The following RSF1 variants were observed in gnomAD, a reference collection of about 807,000 sequenced individuals.
RSF1 encodes HBV pX-associated protein 8.
Under a neutral mutation model 145.2 loss-of-function variants are expected in RSF1, and 13 were observed. That is an observed-to-expected ratio of 0.09 (90% CI 0.06 to 0.14). The LOEUF is 0.14. RSF1 is among the 10% of genes least tolerant of loss of function. The pLI is 1.00. For synonymous variants in RSF1, 577 were observed against 592.6 expected (o/e 0.97, Z 0.38); for missense variants, 1,517 against 1,718.2 (o/e 0.88, Z 2.07).
intron 13 of RSF1, among the ~76,000 whole-genome samples, chr11:77,676,167 T>C (rs942039128): frequency 6.6e-6 from 1 of 152,232 alleles, no homozygotes; most frequent in East Asian, 1.9e-4. Flanking sequence ...ATTCTTCAAA[T>C]TTCAGATCAA....
At chr11:77,777,743 G>C (rs1948357010) in intron 1 of RSF1, among the ~76,000 whole-genome samples, 1 of 152,080 alleles carries the variant, frequency 6.6e-6, no homozygotes, top group East Asian at 1.9e-4. Context: ...CTAGCTACTC[G>C]AGAGACTCAG....
the RSF1 span, among the ~76,000 whole-genome samples, chr11:77,850,129 C>T: frequency 0.013 from 1,938 of 152,114 alleles, 38 homozygotes; most frequent in African/African-American, 0.045. Flanking sequence ...TTTAACATTC[C>T]CTCTGAGATA....
At chr11:77,796,792 A>C (rs973503590) in intron 1 of RSF1, among the ~76,000 whole-genome samples, 2 of 152,240 alleles carry the variant, frequency 1.3e-5, no homozygotes, top group African/African-American at 2.4e-5. Context: ...CCTTAAGCTA[A>C]TAAGCAACTT....
intron 1 of RSF1, chr11:77,813,733 G>C: frequency 2.7e-6 from 1 of 370,598 alleles, no homozygotes; most frequent in East Asian, 6.0e-5. Context: ...ACAGTAGTGA[G>C]TAAGGAGCAG....
chr11:77,764,561 T>G (rs759818863), intron 2 of RSF1, 37 bp downstream of exon 2: 1 of 1,089,264 alleles, frequency 9.2e-7, no homozygotes, highest in Admixed American at 1.8e-5. Context: ...GAGTAATATT[T>G]CAGTAATAGA....
At chr11:77,840,521 T>G in the RSF1 span, among the ~76,000 whole-genome samples, 1 of 152,050 alleles carries the variant, frequency 6.6e-6, no homozygotes, top group Non-Finnish European at 1.5e-5. Flanking sequence ...AGAGCCAGAC[T>G]CCATCTCAAA....
At chr11:77,772,411 C>T (rs1260865409) in intron 1 of RSF1, among the ~76,000 whole-genome samples, 6 of 152,100 alleles carry the variant, frequency 3.9e-5, no homozygotes, top group Admixed American at 1.3e-4. Context: ...GGGGCTCAAG[C>T]GATCCGCCCA....
At chr11:77,734,441 G>C in intron 4 of RSF1, 1 of 1,499,298 alleles carries the variant, frequency 6.7e-7, no homozygotes, top group Non-Finnish European at 9.2e-7. Context: ...GACCAGGGAA[G>C]TCACCCCACG....
intron 4 of RSF1, among the ~76,000 whole-genome samples, chr11:77,729,335 T>C (rs140557860): frequency 5.4e-4 from 83 of 152,296 alleles, no homozygotes; most frequent in African/African-American, 2.0e-3. Context: ...GGTTCAAAGT[T>C]TAGTTTTGGG....
intron 4 of RSF1, among the ~76,000 whole-genome samples, chr11:77,729,163 T>G (rs55190): frequency 0.14 from 21,556 of 152,010 alleles, 1,672 homozygotes; most frequent in African/African-American, 0.18. Context: ...TAAATTTCTC[T>G]CATCATTAAT....
rs1959315684 is a variant in RSF1, at chr11:77,664,563, G to C, written c.*2354C>G. Reference sequence around the variant, plus strand: ...CTTGGCTTAACTGAGGAATAGAATAGGTGGAAGAAGGAGCTGGTGTGTCCA... The same window carrying C: ...CTTGGCTTAACTGAGGAATAGAATACGTGGAAGAAGGAGCTGGTGTGTCCA... On this transcript the variant is annotated 3_prime_UTR_variant, in exon 16 of 16. Coordinates refer to ENST00000308488, the MANE Select transcript of RSF1 (RefSeq NM_016578.4). 1 of 152,152 alleles carries C rather than the reference G, an allele frequency of 6.6e-6. No individual in the cohort carries two copies. The highest frequency in any genetic ancestry group is 2.4e-5 in the African/African-American group (1 of 41,436). 9.4% of individuals were successfully genotyped at this position (152,152 alleles called of 1,614,324 possible).
intron 4 of RSF1, chr11:77,739,527 C>A (rs1961455408): frequency 2.6e-5 from 4 of 152,172 alleles, no homozygotes; most frequent in South Asian, 2.1e-4. Context: ...AACAATCTCC[C>A]ATGAGATTAA....
At chr11:77,742,639 A>G (rs1241813413) in intron 3 of RSF1, among the ~76,000 whole-genome samples, 1 of 152,154 alleles carries the variant, frequency 6.6e-6, no homozygotes, top group Non-Finnish European at 1.5e-5. Flanking sequence ...TGTCTTTTTG[A>G]TAACAGCCAT....
At chr11:77,808,080 T>A (rs1318085011) in intron 1 of RSF1, among the ~76,000 whole-genome samples, 4 of 152,136 alleles carry the variant, frequency 2.6e-5, no homozygotes, top group Non-Finnish European at 5.9e-5. Context: ...ACACCTGTAA[T>A]CCCAGCACTT....
intron 1 of RSF1, among the ~76,000 whole-genome samples, chr11:77,805,568 T>A (rs1226752518): frequency 1.3e-5 from 2 of 152,160 alleles, no homozygotes; most frequent in Non-Finnish European, 2.9e-5. Flanking sequence ...TTACCTTAAG[T>A]ACATAAATAA....
chr11:77,759,190 C>T (rs1455201066), intron 2 of RSF1, among the ~76,000 whole-genome samples: 2 of 152,242 alleles, frequency 1.3e-5, no homozygotes, highest in Admixed American at 1.3e-4. Context: ...GTATTTTATA[C>T]TATAGGCAAC....
chr11:77,725,849 A>G lies in RSF1; in HGVS notation c.579-150T>C, dbSNP rs1204061553. The stretch of plus-strand genomic sequence containing the variant: ...TACAGCTAGCCCTAATTAACCCTGA[A>G]TTTTAAAAGCACTAAGAAAAACACA... On this transcript the variant is annotated intron_variant, in intron 4 of 15. Transcript: ENST00000308488. 3.8e-5 allele frequency: 19 copies of G among 493,560 alleles called. 1 individual carries two copies. In the East Asian group the frequency reaches 6.5e-4, roughly 17 times the overall value. 30.6% of individuals were successfully genotyped at this position (493,560 alleles called of 1,614,324 possible). A position where few individuals can be genotyped will look rare whatever the true frequency, so the allele number is the denominator to read the frequency against.
chr11:77,685,236 A>G, intron 9 of RSF1, 77 bp from the exon 10 acceptor site: 1 of 759,808 alleles, frequency 1.3e-6, no homozygotes, highest in Non-Finnish European at 2.1e-6. Flanking sequence ...GAATACACAT[A>G]ATGTTAAAAT....
chr11:77,791,493 T>G (rs1012677643), intron 1 of RSF1, among the ~76,000 whole-genome samples: 6 of 152,208 alleles, frequency 3.9e-5, no homozygotes, highest in African/African-American at 1.4e-4. Flanking sequence ...CTTCAATTTC[T>G]CCTTAGAAAA....
Sources: gnomAD v4.1 joint callset for allele counts (sites outside exome capture counted in the v4.1 genomes callset) on GRCh38, gnomAD v4.1.1 for gene constraint, MANE v1.5 for transcripts, NCBI Gene and HGNC (gene_info 2026-07-23, HGNC 2026-07-21) for gene names.